The following SATB1 variants were observed in gnomAD, a reference collection of about 807,000 sequenced individuals.
SATB1 encodes DNA-binding protein SATB1.
Under a neutral mutation model 86.9 loss-of-function variants are expected in SATB1, and 11 were observed. That is an observed-to-expected ratio of 0.13 (90% CI 0.08 to 0.21). The LOEUF (loss-of-function observed/expected upper bound fraction) is 0.21, where lower values mean the gene tolerates loss of function less well. Among genes scored for constraint, SATB1 ranks in the 10% least tolerant of loss-of-function variants. The pLI is 1.00. For missense variants in SATB1, 551 were observed against 937.6 expected (o/e 0.59, Z 5.39); for synonymous variants, 357 against 357.2 (o/e 1.00, Z 0.01).
intron 5 of SATB1, among the ~76,000 whole-genome samples, chr3:18,398,228 C>T (rs1303058371): frequency 1.3e-5 from 2 of 152,058 alleles, no homozygotes; most frequent in African/African-American, 2.4e-5. Flanking sequence ...AAATCATTTT[C>T]AATCTTCCCA....
intron 1 of SATB1, among the ~76,000 whole-genome samples, chr3:18,437,245 C>G (rs1204038192): frequency 6.6e-6 from 1 of 151,870 alleles, no homozygotes; most frequent in African/African-American, 2.4e-5. Flanking sequence ...ACATGGGTAT[C>G]TCAAAATACA....
rs1011045948 is a variant in SATB1, at chr3:18,421,637, G to T, written c.-24-646C>A. On this transcript the variant is annotated intron_variant, in intron 1 of 10. Coordinates refer to ENST00000338745, the MANE Select transcript of SATB1 (RefSeq NM_002971.6). ...AGACCTAGTCAAGTTTTGGGCCAAA[G>T]ATGTGATTGGATCAGTTTACCCCTA... is the stretch of plus-strand genomic sequence containing the variant. 8.5e-5 allele frequency among the ~76,000 whole-genome samples: 13 copies of T among 152,140 alleles called. No homozygotes were observed. The South Asian group carries it at 2.5e-3, about 29-fold the overall frequency.
intron 8 of SATB1, among the ~76,000 whole-genome samples, chr3:18,380,132 C>T (rs1695972445): frequency 6.6e-6 from 1 of 151,996 alleles, no homozygotes; most frequent in South Asian, 2.1e-4. Flanking sequence ...CCATGGGGTC[C>T]CTTTTAATAC....
rs564618433 is a variant in SATB1, at chr3:18,356,107, T to C, written c.1576-3912A>G. 2.0e-5 allele frequency among the ~76,000 whole-genome samples: 3 copies of C among 152,006 alleles called. No homozygotes were observed. In the East Asian group the frequency reaches 5.8e-4, roughly 29 times the overall value. ...CCCTATTACTTAAAAAAAACTGGCA[T>C]GGACGCTGAATAAGCTGAAAATGCC... On this transcript the variant is annotated intron_variant, in intron 9 of 10. Transcript: ENST00000338745.
At chr3:18,445,089 C>G (rs1699353442) in intron 1 of SATB1, 1 of 479,526 alleles carries the variant, frequency 2.1e-6, no homozygotes, top group African/African-American at 2.1e-5. Flanking sequence ...GCGCTTCGGA[C>G]CGGGCACGCT....
chr3:18,376,457 C>T (rs528509234), intron 9 of SATB1, among the ~76,000 whole-genome samples: 7 of 150,324 alleles, frequency 4.7e-5, no homozygotes, highest in East Asian at 3.9e-4. Context: ...TACTGATGAT[C>T]GGACAGGTCA....
chr3:18,361,663 C>CA (rs1315792938), intron 9 of SATB1, among the ~76,000 whole-genome samples: 2 of 152,122 alleles, frequency 1.3e-5, no homozygotes, highest in African/African-American at 2.4e-5. Flanking sequence ...ACCTGTAAAA[C>CA]ACAAATGCCT....
At position 18,390,756 on chromosome 3, in the gene SATB1, AG is replaced by A. The variant is rs371991219; in HGVS notation, c.1206+3705del. ...AAAATAAAGTGTGCCAAAAGACAAG[AG>A]GAGGGGGAAGAAAAAGGGGAAAAAA... On this transcript the variant is annotated intron_variant, in intron 7 of 10. Coordinates refer to ENST00000338745, the MANE Select transcript of SATB1 (RefSeq NM_002971.6). 2.5e-3 allele frequency among the ~76,000 whole-genome samples: 375 copies of A among 152,210 alleles called. 5 individuals are homozygous for A. In the South Asian group the frequency reaches 0.038, roughly 16 times the overall value.
intron 5 of SATB1, 73 bp downstream of exon 5, chr3:18,415,038 A>G (rs962677533): frequency 6.4e-7 from 1 of 1,557,136 alleles, no homozygotes; most frequent in Admixed American, 1.8e-5. Context: ...GCTTTAAACC[A>G]GGGAGCTCCA....
chr3:18,357,561 T>A (rs1185590044), intron 9 of SATB1, among the ~76,000 whole-genome samples: 4 of 149,718 alleles, frequency 2.7e-5, no homozygotes, highest in African/African-American at 5.0e-5. Context: ...TTTTTTTTTT[T>A]TTAAATAAAG....
At chr3:18,378,731 T>C (rs1025121378) in intron 8 of SATB1, among the ~76,000 whole-genome samples, 23 of 152,322 alleles carry the variant, frequency 1.5e-4, no homozygotes, top group African/African-American at 2.4e-4. Context: ...CGGTGCCTAA[T>C]AGACAATTGA....
chr3:18,370,601 A>C (rs764231769), intron 9 of SATB1, among the ~76,000 whole-genome samples: 3 of 151,816 alleles, frequency 2.0e-5, no homozygotes, highest in East Asian at 3.9e-4. Flanking sequence ...AAAAACAAGG[A>C]AAGAAATGCC....
chr3:18,394,446 A>G lies in SATB1; in HGVS notation c.1206+16T>C. On this transcript the variant is annotated intron_variant, in intron 7 of 10. Transcript: ENST00000338745. This position sits in a 1 kb window ranked among gnomAD's most constrained non-coding sequence, Gnocchi z 5.9. Reference sequence around the variant, plus strand: ...AATAGGAGACAGCACAGAACCACTTATGAAACACAACTGACCTGAGTTCTG... The same window carrying G: ...AATAGGAGACAGCACAGAACCACTTGTGAAACACAACTGACCTGAGTTCTG... 6.2e-7 allele frequency: 1 copy of G among 1,610,072 alleles called. No individual in the cohort carries two copies. The highest frequency in any genetic ancestry group is 8.5e-7 in the Non-Finnish European group (1 of 1,176,432).
In SATB1 at chr3:18,352,351, G is replaced by GGTTA; in HGVS notation, c.1576-160_1576-157dup. 1.6e-6 allele frequency: 1 copy of GGTTA among 616,706 alleles called. No homozygotes were observed. The highest frequency in any genetic ancestry group is 2.8e-5 in the East Asian group (1 of 35,832). The allele number at this position is 616,706 out of a possible 1,614,324, so 38.2% of individuals were successfully genotyped here. On this transcript the variant is annotated intron_variant, in intron 9 of 10. Coordinates refer to ENST00000338745, the MANE Select transcript of SATB1 (RefSeq NM_002971.6). This position sits in a 1 kb window ranked among gnomAD's most constrained non-coding sequence, Gnocchi z 4.1. ...AAATTGTTTTTAACTTGTTAAGAGA[G>GGTTA]GTTATCTGTGGCTGTCAAGGAGGCA...
chr3:18,444,943 G>A lies in SATB1; in HGVS notation c.-25+575C>T, dbSNP rs1214382322. The A allele has an allele frequency of 7.1e-6, 1 of 141,716 alleles. No homozygotes were observed. The highest frequency in any genetic ancestry group is 1.6e-5 in the Non-Finnish European group (1 of 64,002). The allele number at this position is 141,716 out of a possible 1,614,324, so 8.8% of individuals were successfully genotyped here. A position where few individuals can be genotyped will look rare whatever the true frequency, so the allele number is the denominator to read the frequency against. ...AGAAGGGGGAGGGGGCGGCGGCGGGGGCGGGAGGGGGAAGGGGCCGGCGGG... is the reference window on the plus strand; with the variant it reads ...AGAAGGGGGAGGGGGCGGCGGCGGGAGCGGGAGGGGGAAGGGGCCGGCGGG... On this transcript the variant is annotated intron_variant, in intron 1 of 3. Transcript: ENST00000415069. The surrounding 1 kb of genome is among the most constrained non-coding windows in gnomAD (Gnocchi z 5.1).
intron 9 of SATB1, among the ~76,000 whole-genome samples, chr3:18,355,632 G>C (rs1349829189): frequency 6.6e-6 from 1 of 152,026 alleles, no homozygotes; most frequent in East Asian, 1.9e-4. Flanking sequence ...GAAATGCAGT[G>C]CTTTGTTGCA....
At chr3:18,388,763 A>T (rs1696477621) in intron 7 of SATB1, among the ~76,000 whole-genome samples, 1 of 152,142 alleles carries the variant, frequency 6.6e-6, no homozygotes, top group African/African-American at 2.4e-5. Flanking sequence ...TAATTAAAAA[A>T]ATTAGATTAG....
intron 5 of SATB1, among the ~76,000 whole-genome samples, chr3:18,405,539 T>C (rs923285683): frequency 7.9e-5 from 12 of 152,042 alleles, no homozygotes; most frequent in Non-Finnish European, 1.5e-4. Flanking sequence ...GAAGACTTTA[T>C]ATTACCTCTT....
chr3:18,423,598 G>A (rs1477246572), intron 1 of SATB1, 29 bp downstream of exon 1: 4 of 152,088 alleles, frequency 2.6e-5, no homozygotes, highest in African/African-American at 9.7e-5. Context: ...TTTACTGAGT[G>A]AAATTAGCAA....
Sources: allele counts gnomAD v4.1 joint callset (sites outside exome capture counted in the v4.1 genomes callset), GRCh38; gene constraint gnomAD v4.1.1; non-coding constraint Gnocchi (gnomAD v3.1); transcripts MANE v1.5; gene names NCBI Gene and HGNC (gene_info 2026-07-23, HGNC 2026-07-21).